Variants in EPS8L1 observed in about 807,000 individuals in gnomAD.
The protein encoded by EPS8L1 is epidermal growth factor receptor kinase substrate 8-like protein 1.
A neutral mutation model predicts 91.7 loss-of-function variants in EPS8L1; 101 were observed. The ratio of observed to expected loss-of-function variants is 1.10; its 90% CI spans 0.94 to 1.30. The LOEUF (loss-of-function observed/expected upper bound fraction) is 1.30. Ranked by LOEUF, EPS8L1 falls within the 50% of genes most tolerant of loss-of-function variation. The pLI, the probability that EPS8L1 is intolerant of heterozygous loss-of-function variation, is 0.00. For synonymous variants in EPS8L1, 506 were observed against 445.3 expected, an observed-to-expected ratio of 1.14 and a Z score of -1.72; for missense variants, 1,114 against 1,017.0, an observed-to-expected ratio of 1.10 and a Z score of -1.30.
chr19:55,082,056 C>T (rs756291222), intron 9 of EPS8L1, 36 bp from the exon 10 acceptor site: 25 of 1,558,894 alleles, frequency 1.6e-5, no homozygotes, highest in African/African-American at 1.2e-4. Context: ...GTGCTGGCCC[C>T]GCGTCCCCAT....
At position 55,083,455 on chromosome 19, in the gene EPS8L1, C is replaced by G; in HGVS notation, c.1292C>G (p.Pro431Arg). 1 of 1,612,616 alleles carries G rather than the reference C, an allele frequency of 6.2e-7. No homozygotes were observed. Among genetic ancestry groups the G allele is most frequent in the Non-Finnish European group, 8.5e-7 (1 of 1,179,800 alleles). Residue 431 changes from proline (P) to arginine (R), a missense_variant, in exon 13 of 20, where the codon CCG (proline) becomes CGG (arginine). Physicochemically the swap from Pro to Arg is moderately radical, Grantham distance 103. Coordinates refer to ENST00000201647, the MANE Select transcript of EPS8L1 (RefSeq NM_133180.3). This position sits in a 1 kb window ranked among gnomAD's most constrained non-coding sequence, Gnocchi z 4.7. ...GGCTGGGAGCCGCCGGTCACTGACC[C>G]GCAGAGCCGCGCCTGGGAGGACCCA... is the stretch of plus-strand genomic sequence containing the variant. ...FSGWEPPVTD[P>R]QSRAWEDPVE...
intron 2 of EPS8L1, 64 bp downstream of exon 2, chr19:55,076,525 C>A: frequency 6.4e-7 from 1 of 1,569,708 alleles, no homozygotes; most frequent in South Asian, 1.1e-5. Flanking sequence ...CGCCTCCTCA[C>A]CCACACCCGC....
rs1436121355 is a variant in EPS8L1, at chr19:55,082,618, G to T, written c.1214+16G>T. 1 of 1,547,336 alleles carries T rather than the reference G, an allele frequency of 6.5e-7. No individual in the cohort carries two copies. Among genetic ancestry groups the T allele is most frequent in the South Asian group, 1.2e-5 (1 of 84,518 alleles). ...CCCGCCCCGGGTGAGGGGCGGGGCTGGGAGGCAGGGGGCATGGTGATTGGA... is the reference window on the plus strand; with the variant it reads ...CCCGCCCCGGGTGAGGGGCGGGGCTTGGAGGCAGGGGGCATGGTGATTGGA... On this transcript the variant is annotated intron_variant, in intron 12 of 19. Transcript: ENST00000201647.
chr19:55,087,661 C>A lies in EPS8L1; in HGVS notation c.*47C>A, dbSNP rs775299538. On this transcript the variant is annotated 3_prime_UTR_variant, in exon 20 of 20. Coordinates refer to ENST00000201647, the MANE Select transcript of EPS8L1 (RefSeq NM_133180.3). ...AGAGTGACGAGGCCCCGTGGGAGAA[C>A]GGACTCCTCAGACTCTCCCCAATAG... 6.3e-7 allele frequency: 1 copy of A among 1,588,762 alleles called. No individual in the cohort carries two copies. Among genetic ancestry groups the A allele is most frequent in the Non-Finnish European group, 8.6e-7 (1 of 1,159,554 alleles).
At position 55,083,692 on chromosome 19, in the gene EPS8L1, TC is replaced by T. The variant is rs2063149122; in HGVS notation, c.1385+51del. ...GGCAAGGGGGTCAAGGAGGGGTGCG[TC>T]CCGGGGGCTCCCGATGCTGACTCCG... On this transcript the variant is annotated intron_variant, in intron 14 of 19. Coordinates refer to ENST00000201647, the MANE Select transcript of EPS8L1 (RefSeq NM_133180.3). This position sits in a 1 kb window ranked among gnomAD's most constrained non-coding sequence, Gnocchi z 4.7. The T allele has an allele frequency of 3.2e-6, 5 of 1,569,682 alleles. No individual in the cohort carries two copies. Among genetic ancestry groups the T allele is most frequent in the Non-Finnish European group, 3.5e-6 (4 of 1,157,130 alleles).
chr19:55,084,811 G>A (rs73932296), intron 14 of EPS8L1, among the ~76,000 whole-genome samples: 88 of 152,302 alleles, frequency 5.8e-4, no homozygotes, highest in South Asian at 3.7e-3. Context: ...ATGATTATCC[G>A]TTCCCGGAAC....
rs1249774055 is a variant in EPS8L1 at position 55,081,601 on chromosome 19, C to T, written c.774+109C>T. ...GGACGGGCGTTCTCTGGTCAGACTT[C>T]TGCGTTATGGAAGAGGGGCTGGGTC... On this transcript the variant is annotated intron_variant, in intron 8 of 19. Coordinates refer to ENST00000201647, the MANE Select transcript of EPS8L1 (RefSeq NM_133180.3). This position sits in a 1 kb window ranked among gnomAD's most constrained non-coding sequence, Gnocchi z 4.9. 6 of 1,381,728 alleles carry T rather than the reference C, an allele frequency of 4.3e-6. No homozygotes were observed. In the East Asian group the frequency reaches 1.5e-4, roughly 35 times the overall value. The allele number at this position is 1,381,728 out of a possible 1,614,324, so 85.6% of individuals were successfully genotyped here. A position where few individuals can be genotyped will look rare whatever the true frequency, so the allele number is the denominator to read the frequency against.
Position 55,080,197 on chromosome 19 carries a change from C to G in EPS8L1, c.348C>G (p.Ser116Arg). The G allele has an allele frequency of 3.9e-6, 6 of 1,536,858 alleles. No individual in the cohort carries two copies. Among genetic ancestry groups the G allele is most frequent in the Admixed American group, 2.0e-5 (1 of 50,536 alleles). The change falls in exon 6 of 20, where the codon AGC (serine) becomes AGG (arginine). Residue 116 changes from serine (S) to arginine (R), a missense_variant. By Grantham distance (110) the Ser-to-Arg change is moderately radical. Transcript: ENST00000201647. ...RCDAVMPPGR[S>R]RSLLLLVCQE... ...ACGCGGTGATGCCACCCGGCAGGAG[C>G]CGCTCGTTGCTGCTGCTCGTGTGCC... is the stretch of plus-strand genomic sequence containing the variant.
In EPS8L1 at chr19:55,081,081, C is replaced by A; in HGVS notation, c.513-150C>A. On this transcript the variant is annotated intron_variant, in intron 7 of 19. Coordinates refer to ENST00000201647, the MANE Select transcript of EPS8L1 (RefSeq NM_133180.3). The surrounding 1 kb of genome is among the most constrained non-coding windows in gnomAD (Gnocchi z 4.9). ...AGTTTCACTCTAGAGAGGTGCTATCCCTCCGTATATCGGATTTCTCCCTAC... is the reference window on the plus strand; with the variant it reads ...AGTTTCACTCTAGAGAGGTGCTATCACTCCGTATATCGGATTTCTCCCTAC... 1 of 1,038,726 alleles carries A rather than the reference C, an allele frequency of 9.6e-7. No homozygotes were observed. The highest frequency in any genetic ancestry group is 1.4e-6 in the Non-Finnish European group (1 of 739,130). The allele number at this position is 1,038,726 out of a possible 1,614,324, so 64.3% of individuals were successfully genotyped here. A position where few individuals can be genotyped will look rare whatever the true frequency, so the allele number is the denominator to read the frequency against.
Position 55,079,849 on chromosome 19 carries a change from A to C in EPS8L1, c.277A>C (p.Lys93Gln). ...TGTCACGCTGCTCGACCCGGCCTCCAAGGTGCCGGGGGGCACGTGGGTGGG... is the reference window on the plus strand; with the variant it reads ...TGTCACGCTGCTCGACCCGGCCTCCCAGGTGCCGGGGGGCACGTGGGTGGG... ...DHVTLLDPAS[K>Q]EELESYPLGA... The change falls in exon 5 of 20, where the codon AAG becomes CAG. Residue 93 changes from lysine to glutamine, a missense_variant and splice_region_variant. Lys to Gln is a moderately conservative substitution (Grantham distance 53). Coordinates refer to ENST00000201647, the MANE Select transcript of EPS8L1 (RefSeq NM_133180.3). 1 of 1,611,312 alleles carries C rather than the reference A, an allele frequency of 6.2e-7. No individual in the cohort carries two copies. The highest frequency in any genetic ancestry group is 8.5e-7 in the Non-Finnish European group (1 of 1,178,814).
Position 55,081,649 on chromosome 19 carries a change from G to T in EPS8L1, c.775-124G>T. 2 of 1,461,784 alleles carry T rather than the reference G, an allele frequency of 1.4e-6. No individual in the cohort carries two copies. The highest frequency in any genetic ancestry group is 1.8e-6 in the Non-Finnish European group (2 of 1,097,818). The allele number at this position is 1,461,784 out of a possible 1,614,324, so 90.6% of individuals were successfully genotyped here. On this transcript the variant is annotated intron_variant, in intron 8 of 19. Coordinates refer to ENST00000201647, the MANE Select transcript of EPS8L1 (RefSeq NM_133180.3). This position sits in a 1 kb window ranked among gnomAD's most constrained non-coding sequence, Gnocchi z 4.9. Reference sequence around the variant, plus strand: ...GTCGGGGGCGGGGCTTGGTTGTGGGGCGTGGCCAGGTGTTTGGGGCGTGGC... The same window carrying T: ...GTCGGGGGCGGGGCTTGGTTGTGGGTCGTGGCCAGGTGTTTGGGGCGTGGC...
In EPS8L1 at chr19:55,082,486, GA is replaced by G; in HGVS notation, c.1099del (p.Ser367AlafsTer8). 6.2e-7 allele frequency: 1 copy of G among 1,612,660 alleles called. No homozygotes were observed. Among genetic ancestry groups the G allele is most frequent in the Non-Finnish European group, 8.5e-7 (1 of 1,179,794 alleles). On this transcript the variant is annotated frameshift_variant, in exon 12 of 20. Coordinates refer to ENST00000201647, the MANE Select transcript of EPS8L1 (RefSeq NM_133180.3). LOFTEE classifies it high-confidence loss of function. The stretch of plus-strand genomic sequence containing the variant: ...ACACGTCGGGGGGGCCGGAGTTCGC[GA>G]GCAGTGTGCGGCGGCCGCATCTGAC... ...VNTSGGPEFA[S>X]SVRRPHLTSD... is the part of the protein sequence containing the mutation.
chr19:55,081,214 C>T lies in EPS8L1; in HGVS notation c.513-17C>T. ...CCTCAGTGGACCCAGTCTTGGTGTCCCCGTCGCCCTCCGCAGGGCCACGCA... is the reference window on the plus strand; with the variant it reads ...CCTCAGTGGACCCAGTCTTGGTGTCTCCGTCGCCCTCCGCAGGGCCACGCA... On this transcript the variant is annotated splice_polypyrimidine_tract_variant and intron_variant, in intron 7 of 19. Transcript: ENST00000201647. This position sits in a 1 kb window ranked among gnomAD's most constrained non-coding sequence, Gnocchi z 4.9. The T allele has an allele frequency of 6.7e-7, 1 of 1,495,862 alleles. No individual in the cohort carries two copies. Among genetic ancestry groups the T allele is most frequent in the Non-Finnish European group, 8.8e-7 (1 of 1,132,570 alleles). The allele number at this position is 1,495,862 out of a possible 1,614,324, so 92.7% of individuals were successfully genotyped here.
chr19:55,083,426 C>T lies in EPS8L1; in HGVS notation c.1263C>T (p.Phe421=). The T allele has an allele frequency of 6.2e-7, 1 of 1,612,834 alleles. No individual in the cohort carries two copies. Among genetic ancestry groups the T allele is most frequent in the African/African-American group, 1.3e-5 (1 of 75,074 alleles). Residue 421 remains phenylalanine, a synonymous_variant, in exon 13 of 20, where the codon TTC becomes TTT. Transcript: ENST00000201647. This position sits in a 1 kb window ranked among gnomAD's most constrained non-coding sequence, Gnocchi z 4.7. ...EEGPPYRPEF[F]SGWEPPVTDP... The stretch of plus-strand genomic sequence containing the variant: ...GACCCCCATACAGACCCGAGTTCTT[C>T]AGCGGCTGGGAGCCGCCGGTCACTG...
intron 15 of EPS8L1, 35 bp downstream of exon 15, chr19:55,086,008 G>T (rs982024038): frequency 3.7e-6 from 6 of 1,602,608 alleles, no homozygotes; most frequent in African/African-American, 2.7e-5. Context: ...GCAGGAATTA[G>T]CCAGCCCTAG....
At chr19:55,077,091 C>T (rs369412500) in intron 2 of EPS8L1, among the ~76,000 whole-genome samples, 11 of 152,236 alleles carry the variant, frequency 7.2e-5, no homozygotes, top group African/African-American at 2.2e-4. Context: ...GTTCCCCTGA[C>T]GCCACCTGAT....
chr19:55,078,389 A>G (rs1465322262), intron 3 of EPS8L1, among the ~76,000 whole-genome samples: 1 of 61,020 alleles, frequency 1.6e-5, no homozygotes, highest in Non-Finnish European at 3.0e-5. Flanking sequence ...CCTGGGTCAG[A>G]GGGAAGAGGG....
Position 55,080,231 on chromosome 19 carries a change from G to T in EPS8L1, c.382G>T (p.Glu128Ter). The T allele has an allele frequency of 6.5e-7, 1 of 1,537,592 alleles. No homozygotes were observed. The highest frequency in any genetic ancestry group is 8.8e-7 in the Non-Finnish European group (1 of 1,137,350). Residue 128 changes from glutamate to a stop codon, truncating the protein, a stop_gained, in exon 6 of 20, where the codon GAG (glutamate) becomes TAG (stop). Transcript: ENST00000201647. LOFTEE classifies it high-confidence loss of function. The stretch of plus-strand genomic sequence containing the variant: ...GCTGCTGCTCGTGTGCCAGGAACCC[G>T]AGCGCGCGCAGCCCGACGTGCACTT... Reference protein sequence around the residue: ...SLLLLVCQEPERAQPDVHFFQ... With the variant: ...SLLLLVCQEP
intron 17 of EPS8L1, 79 bp from the exon 18 acceptor site, chr19:55,086,635 G>GC (rs397766751): frequency 0.41 from 534,362 of 1,302,902 alleles, 96,295 homozygotes; most frequent in Admixed American, 0.46. Context: ...ACGCTGGAGC[G>GC]CCCCCCCGCC....
Sources: allele counts gnomAD v4.1 joint callset (sites outside exome capture counted in the v4.1 genomes callset), GRCh38; gene constraint gnomAD v4.1.1; non-coding constraint Gnocchi (gnomAD v3.1); transcripts MANE v1.5; gene names NCBI Gene and HGNC (gene_info 2026-07-23, HGNC 2026-07-21).